Variants in ZC3H12D observed in about 807,000 individuals in gnomAD.
The protein encoded by ZC3H12D is zinc finger CCCH-type containing 12D, also known as probable ribonuclease ZC3H12D.
A neutral mutation model predicts 24.2 loss-of-function variants in ZC3H12D; 11 were observed. That is an observed-to-expected ratio of 0.46 (90% confidence interval 0.29 to 0.75). ZC3H12D has a LOEUF of 0.75. ZC3H12D is among the 30% of genes least tolerant of loss of function. The pLI, the probability that ZC3H12D is intolerant of heterozygous loss-of-function variation, is 0.11. For synonymous variants in ZC3H12D, 333 were observed against 341.8 expected, an observed-to-expected ratio of 0.97 and a Z score of 0.28; for missense variants, 740 against 767.7, an observed-to-expected ratio of 0.96 and a Z score of 0.43.
In ZC3H12D at chr6:149,452,776, A is replaced by G; in HGVS notation, c.681-54T>C. 6.7e-7 allele frequency: 1 copy of G among 1,493,692 alleles called. No individual in the cohort carries two copies. Among genetic ancestry groups the G allele is most frequent in the Non-Finnish European group, 9.1e-7 (1 of 1,103,854 alleles). 92.5% of individuals were successfully genotyped at this position (1,493,692 alleles called of 1,614,324 possible). ...AGACCACCTGGGATTTGCCACCAGC[A>G]CCTGTACAAAGGGAGCAGGCCCAAG... is the stretch of plus-strand genomic sequence containing the variant. On this transcript the variant is annotated intron_variant, in intron 4 of 5. Coordinates refer to ENST00000409806, the MANE Select transcript of ZC3H12D (RefSeq NM_207360.3). This position sits in a 1 kb window ranked among gnomAD's most constrained non-coding sequence, Gnocchi z 4.0.
At chr6:149,474,735 A>G (rs1776304892) in intron 1 of ZC3H12D, 122 bp from the exon 2 acceptor site, 1 of 447,040 alleles carries the variant, frequency 2.2e-6, no homozygotes, top group Non-Finnish European at 3.8e-6. Context: ...GCCCAGTCCC[A>G]CTGGGGACTT....
rs1397106009 is a variant in ZC3H12D, at chr6:149,450,889, C to T, written c.1378G>A (p.Gly460Ser). 1.9e-6 allele frequency: 3 copies of T among 1,541,230 alleles called. No homozygotes were observed. The highest frequency in any genetic ancestry group is 3.9e-5 in the Admixed American group (2 of 50,970). ...SVWAEPAWGDGATGGLSVYAT... is the reference protein window; with the variant it reads ...SVWAEPAWGDSATGGLSVYAT... ...TACACTGAAAGTCCCCCAGTGGCGC[C>T]GTCGCCCCAGGCCGGCTCCGCCCAG... is the stretch of plus-strand genomic sequence containing the variant. The change falls in exon 6 of 6, where the codon GGC (glycine) becomes AGC (serine). Residue 460 changes from glycine to serine, a missense_variant. Transcript: ENST00000409806.
chr6:149,478,724 T>C (rs990486455), intron 1 of ZC3H12D, among the ~76,000 whole-genome samples: 4 of 152,032 alleles, frequency 2.6e-5, no homozygotes, highest in African/African-American at 9.7e-5. Context: ...GTACAGAACA[T>C]CCAGTGTCTT....
chr6:149,456,686 C>T lies in ZC3H12D; in HGVS notation c.660G>A (p.Met220Ile). 6.4e-7 allele frequency: 1 copy of T among 1,571,612 alleles called. No homozygotes were observed. The highest frequency in any genetic ancestry group is 8.7e-7 in the Non-Finnish European group (1 of 1,153,722). ...CCTACCGGTCGTTGACGAAGGAGAA[C>T]ATGAGCAGCCTCTGCTCGATGAACC... Reference protein sequence around the residue: ...WKWFIEQRLLMFSFVNDRFMP... With the variant: ...WKWFIEQRLLIFSFVNDRFMP... Residue 220 changes from methionine (M) to isoleucine (I), a missense_variant, in exon 4 of 6, where the codon ATG becomes ATA. By Grantham distance (10) the Met-to-Ile change is conservative. Coordinates refer to ENST00000409806, the MANE Select transcript of ZC3H12D (RefSeq NM_207360.3). The surrounding 1 kb of genome is among the most constrained non-coding windows in gnomAD (Gnocchi z 4.3).
In ZC3H12D at chr6:149,451,173, G is replaced by C; in HGVS notation, c.1094C>G (p.Pro365Arg). The C allele has an allele frequency of 7.6e-7, 1 of 1,316,468 alleles. No homozygotes were observed. The highest frequency in any genetic ancestry group is 9.6e-7 in the Non-Finnish European group (1 of 1,038,838). The allele number at this position is 1,316,468 out of a possible 1,614,324, so 81.5% of individuals were successfully genotyped here. ...CAGTCGGGGCGTGAGGCTGCAGGCG[G>C]GGACCGGGAGAGGCGGCCCCAGGGG... ...LGPLGPPLPVPACSLTPRLGG... is the reference protein window; with the variant it reads ...LGPLGPPLPVRACSLTPRLGG... The change falls in exon 6 of 6, where the codon CCC becomes CGC. Residue 365 changes from proline to arginine, a missense_variant. Coordinates refer to ENST00000409806, the MANE Select transcript of ZC3H12D (RefSeq NM_207360.3).
At chr6:149,475,715 C>CAAA (rs11462349) in intron 1 of ZC3H12D, among the ~76,000 whole-genome samples, 1 of 142,552 alleles carries the variant, frequency 7.0e-6, no homozygotes. Context: ...AACTCCGTCT[C>CAAA]AAAAAAAAAA....
chr6:149,455,843 A>G (rs1775970257), intron 4 of ZC3H12D, among the ~76,000 whole-genome samples: 1 of 151,662 alleles, frequency 6.6e-6, no homozygotes, highest in South Asian at 2.1e-4. Flanking sequence ...TCAAGGCTGC[A>G]GTGAGCTGTG....
At chr6:149,479,629 T>C (rs1243372811) in intron 1 of ZC3H12D, among the ~76,000 whole-genome samples, 1 of 152,214 alleles carries the variant, frequency 6.6e-6, no homozygotes, top group Non-Finnish European at 1.5e-5. Flanking sequence ...ACTGAATTAC[T>C]CAGGTATCCT....
At chr6:149,477,157 A>G (rs1202557376) in intron 1 of ZC3H12D, among the ~76,000 whole-genome samples, 1 of 152,184 alleles carries the variant, frequency 6.6e-6, no homozygotes, top group African/African-American at 2.4e-5. Context: ...CATTGTGTCA[A>G]TCACATCACT....
Position 149,465,392 on chromosome 6 carries a change from C to CA in ZC3H12D, c.306-3423_306-3422insT, listed in dbSNP as rs1284674881. On this transcript the variant is annotated intron_variant, in intron 2 of 5. Transcript: ENST00000409806. ...AAATGAAGAAGATAAATATCCCTTT[C>CA]GCTACTGAGGCTGAACTCTGAGGCT... 2.4e-3 allele frequency among the ~76,000 whole-genome samples: 366 copies of CA among 150,422 alleles called. 1 individual carries two copies. Among genetic ancestry groups the CA allele is most frequent in the African/African-American group, 6.5e-3 (267 of 40,896 alleles).
chr6:149,478,572 C>A (rs1370553217), intron 1 of ZC3H12D, among the ~76,000 whole-genome samples: 2 of 152,178 alleles, frequency 1.3e-5, no homozygotes, highest in Non-Finnish European at 2.9e-5. Flanking sequence ...TCTTTAAGAA[C>A]CTTAATAATT....
intron 2 of ZC3H12D, among the ~76,000 whole-genome samples, chr6:149,465,921 A>G (rs989250016): frequency 1.2e-5 from 1 of 82,694 alleles, no homozygotes; most frequent in African/African-American, 1.4e-4. Context: ...AGAAACATCA[A>G]GACTGTGAAC....
intron 1 of ZC3H12D, among the ~76,000 whole-genome samples, chr6:149,482,304 G>T (rs530314759): frequency 1.3e-5 from 2 of 152,252 alleles, no homozygotes; most frequent in Admixed American, 1.3e-4. Context: ...GCCTTCCCCC[G>T]GGACGTGATG....
chr6:149,447,387 G>A lies in ZC3H12D; in HGVS notation c.*3296C>T, dbSNP rs971434264. 6.6e-6 allele frequency: 1 copy of A among 152,248 alleles called. No homozygotes were observed. The highest frequency in any genetic ancestry group is 2.4e-5 in the African/African-American group (1 of 41,432). The allele number at this position is 152,248 out of a possible 1,614,324, so 9.4% of individuals were successfully genotyped here. On this transcript the variant is annotated 3_prime_UTR_variant, in exon 6 of 6. Transcript: ENST00000409806. ...CTGCCTCAGCCTCCCGAGCAACTGG[G>A]ATTACAGGTGTGCCCCACCACGGAC...
In ZC3H12D at chr6:149,456,050, G is replaced by T. The variant is rs940362827; in HGVS notation, c.680+616C>A. 6.6e-6 allele frequency among the ~76,000 whole-genome samples: 1 copy of T among 151,196 alleles called. No homozygotes were observed. Among genetic ancestry groups the T allele is most frequent in the African/African-American group, 2.4e-5 (1 of 41,248 alleles). On this transcript the variant is annotated intron_variant, in intron 4 of 5. Coordinates refer to ENST00000409806, the MANE Select transcript of ZC3H12D (RefSeq NM_207360.3). The surrounding 1 kb of genome is among the most constrained non-coding windows in gnomAD (Gnocchi z 4.3). ...GGACAGATCACAAGGTCAGGAGATC[G>T]AGACCATCTGGCTAACATGGTGAAA...
At chr6:149,478,832 A>G (rs1051478914) in intron 1 of ZC3H12D, among the ~76,000 whole-genome samples, 8 of 152,044 alleles carry the variant, frequency 5.3e-5, no homozygotes, top group African/African-American at 1.7e-4. Flanking sequence ...TGATGACTGT[A>G]ACAGCCTCCA....
In ZC3H12D at chr6:149,449,246, C is replaced by T. The variant is rs557862429; in HGVS notation, c.*1437G>A. Reference sequence around the variant, plus strand: ...GAGCTCATGTCAGTTTTCTCCTAACCCACCTGTAGATTTGAGAGCAAAAGT... The same window carrying T: ...GAGCTCATGTCAGTTTTCTCCTAACTCACCTGTAGATTTGAGAGCAAAAGT... On this transcript the variant is annotated 3_prime_UTR_variant, in exon 6 of 6. Transcript: ENST00000409806. 2.0e-5 allele frequency: 3 copies of T among 152,294 alleles called. No homozygotes were observed. The East Asian group carries it at 5.8e-4, about 29-fold the overall frequency. The allele number at this position is 152,294 out of a possible 1,614,324, so 9.4% of individuals were successfully genotyped here. A position where few individuals can be genotyped will look rare whatever the true frequency, so the allele number is the denominator to read the frequency against.
chr6:149,462,065 G>A (rs1776082938), intron 2 of ZC3H12D, 95 bp from the exon 3 acceptor site: 1 of 1,434,380 alleles, frequency 7.0e-7, no homozygotes, highest in East Asian at 2.5e-5. Context: ...TCATAATCAA[G>A]AGGGAACCAG....
intron 2 of ZC3H12D, among the ~76,000 whole-genome samples, chr6:149,468,560 T>C (rs1351135745): frequency 2.0e-5 from 3 of 152,150 alleles, no homozygotes; most frequent in Non-Finnish European, 2.9e-5. Flanking sequence ...GTCTGAGATG[T>C]GAAGGGAAGC....
Sources: gnomAD v4.1 joint callset for allele counts (sites outside exome capture counted in the v4.1 genomes callset) on GRCh38, gnomAD v4.1.1 for gene constraint, Gnocchi (gnomAD v3.1) non-coding constraint, MANE v1.5 for transcripts, NCBI Gene and HGNC (gene_info 2026-07-23, HGNC 2026-07-21) for gene names.